Variants in DGCR2 observed in about 807,000 individuals in gnomAD.
DGCR2 encodes the protein integral membrane protein DGCR2/IDD.
Under a neutral mutation model 51.6 loss-of-function variants are expected in DGCR2, and 24 were observed. That is an observed-to-expected ratio of 0.47 (90% CI 0.34 to 0.65). DGCR2 has a LOEUF of 0.65. DGCR2 is among the 30% of genes least tolerant of loss of function. DGCR2 has a pLI of 0.01. For synonymous variants in DGCR2, 340 were observed against 315.4 expected, an observed-to-expected ratio of 1.08 and a Z score of -0.82; for missense variants, 765 against 772.1, an observed-to-expected ratio of 0.99 and a Z score of 0.11.
At chr22:19,120,025 G>A (rs1415340343) in intron 1 of DGCR2, among the ~76,000 whole-genome samples, 1 of 152,134 alleles carries the variant, frequency 6.6e-6, no homozygotes, top group Non-Finnish European at 1.5e-5. Context: ...GCACCAGCCA[G>A]GCAGATCCCT....
chr22:19,041,769 G>C (rs2082434027), intron 8 of DGCR2, 38 bp downstream of exon 8: 1 of 1,596,922 alleles, frequency 6.3e-7, no homozygotes, highest in African/African-American at 1.3e-5. Context: ...CTGGGGTGGG[G>C]ATGGGGACCA....
At position 19,048,786 on chromosome 22, in the gene DGCR2, C is replaced by G. The variant is rs1182639459; in HGVS notation, c.803-143G>C. ...TTACCTTAGAATGGGAAGGAGGCAG[C>G]TGGAGGGGGCATGTGAGACATGCCC... is the stretch of plus-strand genomic sequence containing the variant. On this transcript the variant is annotated intron_variant, in intron 6 of 9. Transcript: ENST00000263196. 3.8e-6 allele frequency: 3 copies of G among 783,138 alleles called. No homozygotes were observed. In the Admixed American group the frequency reaches 6.4e-5, roughly 17 times the overall value. The allele number at this position is 783,138 out of a possible 1,614,324, so 48.5% of individuals were successfully genotyped here.
chr22:19,063,491 A>C (rs2082710842), intron 4 of DGCR2, among the ~76,000 whole-genome samples: 1 of 149,286 alleles, frequency 6.7e-6, no homozygotes, highest in East Asian at 2.0e-4. Context: ...GGCACAGGCC[A>C]CCACGCCCAG....
chr22:19,081,591 G>C (rs2082937078), intron 2 of DGCR2, among the ~76,000 whole-genome samples: 1 of 152,228 alleles, frequency 6.6e-6, no homozygotes, highest in Non-Finnish European at 1.5e-5. Context: ...AAAACCAAGA[G>C]TTGGAGAGGA....
At chr22:19,068,601 T>TGCC (rs763813996) in intron 2 of DGCR2, among the ~76,000 whole-genome samples, 29 of 152,206 alleles carry the variant, frequency 1.9e-4, no homozygotes, top group Non-Finnish European at 3.2e-4. Context: ...GAGCCCAGGC[T>TGCC]GCCCCTACCC....
intron 2 of DGCR2, among the ~76,000 whole-genome samples, chr22:19,079,613 T>C (rs1471961438): frequency 6.6e-6 from 1 of 152,266 alleles, no homozygotes; most frequent in Non-Finnish European, 1.5e-5. Flanking sequence ...GCTACATTCT[T>C]GTCTAATCCC....
rs767128317 is a variant in DGCR2, at chr22:19,060,869, G to A, written c.625+2333C>T. ...AGGCGCACAGGAACCCTGCGGAAAC[G>A]AGCTCCCAACTTCAAATGTGTGTGC... On this transcript the variant is annotated intron_variant, in intron 5 of 9. Coordinates refer to ENST00000263196, the MANE Select transcript of DGCR2 (RefSeq NM_005137.3). 126 of 516,212 alleles carry A rather than the reference G, an allele frequency of 2.4e-4. 2 individuals are homozygous for A. Among genetic ancestry groups the A allele is most frequent in the South Asian group, 1.7e-3 (120 of 70,842 alleles). The allele number at this position is 516,212 out of a possible 1,614,324, so 32.0% of individuals were successfully genotyped here.
chr22:19,099,956 C>T (rs1235226483), intron 1 of DGCR2, among the ~76,000 whole-genome samples: 2 of 139,030 alleles, frequency 1.4e-5, no homozygotes, highest in East Asian at 4.2e-4. Context: ...GACGACAGAG[C>T]AAGATTCTGT....
chr22:19,083,477 T>A (rs2082964473), intron 2 of DGCR2, among the ~76,000 whole-genome samples: 1 of 152,198 alleles, frequency 6.6e-6, no homozygotes, highest in Non-Finnish European at 1.5e-5. Flanking sequence ...GCATTTCACA[T>A]AAAACTCACG....
At chr22:19,109,381 A>G (rs1193322749) in intron 1 of DGCR2, among the ~76,000 whole-genome samples, 2 of 152,204 alleles carry the variant, frequency 1.3e-5, no homozygotes, top group African/African-American at 4.8e-5. Flanking sequence ...CACAATAACT[A>G]AGAGGTGGAA....
intron 2 of DGCR2, among the ~76,000 whole-genome samples, chr22:19,080,659 G>C (rs967660119): frequency 1.3e-5 from 2 of 152,114 alleles, no homozygotes; most frequent in Non-Finnish European, 2.9e-5. Flanking sequence ...AACAGGGCGA[G>C]ACCTCGTCTC....
At chr22:19,086,264 T>C (rs2032883274) in intron 2 of DGCR2, among the ~76,000 whole-genome samples, 2 of 151,336 alleles carry the variant, frequency 1.3e-5, no homozygotes, top group African/African-American at 4.9e-5. Context: ...GATCACAAGG[T>C]CAGGAGATCG....
rs1405570628 is a variant in DGCR2 at position 19,057,813 on chromosome 22, G to A, written c.626-651C>T. 1.1e-4 allele frequency among the ~76,000 whole-genome samples: 16 copies of A among 152,148 alleles called. No individual in the cohort carries two copies. The highest frequency in any genetic ancestry group is 2.2e-4 in the Non-Finnish European group (15 of 68,028). On this transcript the variant is annotated intron_variant, in intron 5 of 9. Transcript: ENST00000263196. The surrounding 1 kb of genome is among the most constrained non-coding windows in gnomAD (Gnocchi z 5.1). ...ACCGTGTACCCCTGCCGCAGAGAGC[G>A]TGAGGGTTGGGGACTGCTAACCTCC...
At chr22:19,111,442 G>A (rs2083313253) in intron 1 of DGCR2, among the ~76,000 whole-genome samples, 1 of 152,198 alleles carries the variant, frequency 6.6e-6, no homozygotes, top group Non-Finnish European at 1.5e-5. Context: ...GGCAAAGCAT[G>A]TGGCTCAGGA....
chr22:19,096,925 A>G lies in DGCR2; in HGVS notation c.80-7435T>C, dbSNP rs2083148133. Among the ~76,000 whole-genome samples the G allele has an allele frequency of 2.0e-5, 3 of 151,848 alleles. No homozygotes were observed. The South Asian group carries it at 6.2e-4, about 32-fold the overall frequency. The stretch of plus-strand genomic sequence containing the variant: ...AAAAAAACACCCTATGGTGTTGTTC[A>G]AAGTAAATTCATAGCTCATGTCACA... On this transcript the variant is annotated intron_variant, in intron 1 of 9. Transcript: ENST00000263196.
At chr22:19,090,415 T>C (rs1337366762) in intron 1 of DGCR2, among the ~76,000 whole-genome samples, 1 of 152,138 alleles carries the variant, frequency 6.6e-6, no homozygotes, top group Non-Finnish European at 1.5e-5. Context: ...GATAAAATCC[T>C]AAAAGCAGGC....
chr22:19,068,207 C>A lies in DGCR2; in HGVS notation c.221G>T (p.Arg74Leu). The change falls in exon 3 of 10, where the codon CGT (arginine) becomes CTT (leucine). Residue 74 changes from arginine (R) to leucine (L), a missense_variant. Around this residue, in one of 3 missense-constraint regions of DGCR2, gnomAD observed 370 missense variants for 325.5 expected, o/e 1.14. Transcript: ENST00000263196. ...ANCPEVTGEVRPHHGKEAVDP... is the reference protein window; with the variant it reads ...ANCPEVTGEVLPHHGKEAVDP... ...CACAGCCTCCTTCCCATGATGAGGACGCACCTCCCCGGTCACTTCTGAAAG... is the reference window on the plus strand; with the variant it reads ...CACAGCCTCCTTCCCATGATGAGGAAGCACCTCCCCGGTCACTTCTGAAAG... 1 of 1,604,598 alleles carries A rather than the reference C, an allele frequency of 6.2e-7. No homozygotes were observed. The highest frequency in any genetic ancestry group is 1.7e-5 in the Admixed American group (1 of 58,140).
At chr22:19,120,982 G>C (rs983686480) in intron 1 of DGCR2, among the ~76,000 whole-genome samples, 1 of 152,216 alleles carries the variant, frequency 6.6e-6, no homozygotes, top group African/African-American at 2.4e-5. Context: ...GTTGAGCACC[G>C]GTCAGGGCCT....
intron 8 of DGCR2, 74 bp from the exon 9 acceptor site, chr22:19,041,368 C>A: frequency 6.8e-7 from 1 of 1,474,492 alleles, no homozygotes; most frequent in Non-Finnish European, 9.4e-7. Flanking sequence ...CTGAGCCCCC[C>A]ACCCCCAGGC....
Sources: gnomAD v4.1 joint callset for allele counts (sites outside exome capture counted in the v4.1 genomes callset) on GRCh38, gnomAD v4.1.1 for gene constraint, gnomAD v4.1.1 regional missense constraint, Gnocchi (gnomAD v3.1) non-coding constraint, MANE v1.5 for transcripts, NCBI Gene and HGNC (gene_info 2026-07-23, HGNC 2026-07-21) for gene names.